The following ANKRD44 variants were observed in gnomAD, a reference collection of about 807,000 sequenced individuals.
ANKRD44 encodes ankyrin repeat domain 44.
A neutral mutation model predicts 116.0 loss-of-function variants in ANKRD44; 35 were observed. The ratio of observed to expected loss-of-function variants is 0.30; its 90% CI spans 0.23 to 0.40. ANKRD44 has a LOEUF of 0.40. ANKRD44 is among the 10% of genes least tolerant of loss of function. The probability of loss-of-function intolerance (pLI) is 1.00; values close to 1 mark genes in which losing one functional copy is unlikely to be tolerated. For synonymous variants in ANKRD44, 435 were observed against 461.8 expected (o/e 0.94, Z 0.74); for missense variants, 1,014 against 1,242.6 (o/e 0.82, Z 2.77).
At chr2:197,258,249 T>C (rs2105709329) in intron 1 of ANKRD44, among the ~76,000 whole-genome samples, 1 of 146,918 alleles carries the variant, frequency 6.8e-6, no homozygotes, top group Non-Finnish European at 1.5e-5. Context: ...TACAGGCATG[T>C]GCCGCCACAC....
intron 15 of ANKRD44, among the ~76,000 whole-genome samples, chr2:197,081,167 C>T (rs1361519940): frequency 2.0e-5 from 3 of 152,194 alleles, no homozygotes; most frequent in Non-Finnish European, 4.4e-5. Context: ...CATCCTTTTG[C>T]AGGAGCAGGA....
intron 16 of ANKRD44, among the ~76,000 whole-genome samples, chr2:197,057,181 T>C (rs1170142690): frequency 2.6e-5 from 4 of 152,244 alleles, no homozygotes; most frequent in Non-Finnish European, 1.5e-5. Context: ...TCCTTTCTAC[T>C]CCTAGTTAGC....
chr2:197,227,414 T>C (rs1276994488), intron 1 of ANKRD44, among the ~76,000 whole-genome samples: 1 of 152,190 alleles, frequency 6.6e-6, no homozygotes, highest in Non-Finnish European at 1.5e-5. Flanking sequence ...CGCTGGCCCC[T>C]TCCCAGATTC....
intron 9 of ANKRD44, among the ~76,000 whole-genome samples, chr2:197,100,927 T>C (rs2078278583): frequency 6.6e-6 from 1 of 152,224 alleles, no homozygotes; most frequent in South Asian, 2.1e-4. Context: ...GGTCTATTCA[T>C]TCATTTATCT....
At chr2:197,005,580 G>T in intron 21 of ANKRD44, 114 bp downstream of exon 21, 1 of 964,542 alleles carries the variant, frequency 1.0e-6, no homozygotes, top group Non-Finnish European at 1.6e-6. Flanking sequence ...CTTGGATGCA[G>T]AAAGATTAGA....
At chr2:197,166,182 T>C (rs1233406961) in intron 2 of ANKRD44, among the ~76,000 whole-genome samples, 4 of 152,178 alleles carry the variant, frequency 2.6e-5, no homozygotes, top group Non-Finnish European at 4.4e-5. Context: ...CCTAACACCT[T>C]CTTTACACAA....
rs2125873014 is a variant in ANKRD44, at chr2:196,989,460, C to A, written c.*131G>T. 2 of 1,277,580 alleles carry A rather than the reference C, an allele frequency of 1.6e-6. No individual in the cohort carries two copies. Among genetic ancestry groups the A allele is most frequent in the East Asian group, 3.1e-5 (1 of 32,662 alleles). The allele number at this position is 1,277,580 out of a possible 1,614,324, so 79.1% of individuals were successfully genotyped here. The stretch of plus-strand genomic sequence containing the variant: ...TTGAAGGAAAAAAATGTGTATCTTC[C>A]ATTTTAGACTGAAGCATTTTGGTCC... On this transcript the variant is annotated 3_prime_UTR_variant, in exon 28 of 28. Coordinates refer to ENST00000282272, the MANE Select transcript of ANKRD44 (RefSeq NM_001195144.2).
At chr2:197,060,573 A>T (rs1336023044) in intron 16 of ANKRD44, among the ~76,000 whole-genome samples, 2 of 152,208 alleles carry the variant, frequency 1.3e-5, no homozygotes, top group Non-Finnish European at 2.9e-5. Flanking sequence ...AGCAAATTTC[A>T]AGAATACAAT....
intron 1 of ANKRD44, among the ~76,000 whole-genome samples, chr2:197,249,697 C>T (rs1246842606): frequency 1.3e-5 from 2 of 152,150 alleles, no homozygotes; most frequent in African/African-American, 4.8e-5. Flanking sequence ...TTCACTCTCA[C>T]CAAAATGTCT....
chr2:197,034,927 T>G (rs1018131330), intron 16 of ANKRD44, among the ~76,000 whole-genome samples: 2 of 152,168 alleles, frequency 1.3e-5, no homozygotes, highest in Non-Finnish European at 2.9e-5. Flanking sequence ...ATGGCTGAGA[T>G]GCACAATGGA....
At chr2:197,183,106 T>C (rs979024978) in intron 2 of ANKRD44, among the ~76,000 whole-genome samples, 1 of 151,760 alleles carries the variant, frequency 6.6e-6, no homozygotes, top group South Asian at 2.1e-4. Flanking sequence ...GGGCACAGAG[T>C]TTATAAATAC....
intron 21 of ANKRD44, among the ~76,000 whole-genome samples, chr2:197,002,407 A>G (rs1327920880): frequency 6.6e-6 from 1 of 152,224 alleles, no homozygotes; most frequent in Non-Finnish European, 1.5e-5. Context: ...ATGTGAAATT[A>G]TTTTCAACAA....
At chr2:197,089,788 T>C (rs2078001948) in intron 11 of ANKRD44, among the ~76,000 whole-genome samples, 162 bp downstream of exon 11, 1 of 152,202 alleles carries the variant, frequency 6.6e-6, no homozygotes, top group Admixed American at 6.5e-5. Context: ...CCAAGGATTG[T>C]TGGGAGCTGT....
rs188669262 is a variant in ANKRD44, at chr2:197,234,324, C to T, written c.28-47218G>A. Among the ~76,000 whole-genome samples, 7 of 152,132 alleles carry T rather than the reference C, an allele frequency of 4.6e-5. No homozygotes were observed. In the South Asian group the frequency reaches 8.3e-4, roughly 18 times the overall value. Reference sequence around the variant, plus strand: ...CTCCCACCTCAGCCTCCATAGTAGCCGGGATCACAGGCACATGCCGCCATG... The same window carrying T: ...CTCCCACCTCAGCCTCCATAGTAGCTGGGATCACAGGCACATGCCGCCATG... On this transcript the variant is annotated intron_variant, in intron 1 of 27. Coordinates refer to ENST00000282272, the MANE Select transcript of ANKRD44 (RefSeq NM_001195144.2).
intron 3 of ANKRD44, among the ~76,000 whole-genome samples, chr2:197,146,760 G>A (rs2079515409): frequency 1.3e-5 from 2 of 151,200 alleles, no homozygotes; most frequent in South Asian, 2.1e-4. Flanking sequence ...ATATCCAAAT[G>A]TACTGAATTC....
At chr2:197,254,598 T>TACACAC (rs3057783) in intron 1 of ANKRD44, among the ~76,000 whole-genome samples, 14,035 of 148,140 alleles carry the variant, frequency 0.095, 840 homozygotes, top group Non-Finnish European at 0.13. Context: ...CATACATGCA[T>TACACAC]ACACACACAC....
intron 1 of ANKRD44, among the ~76,000 whole-genome samples, chr2:197,258,714 C>T (rs1349890272): frequency 6.6e-6 from 1 of 152,178 alleles, no homozygotes; most frequent in African/African-American, 2.4e-5. Context: ...CAGCAAAGCA[C>T]AAGGTCTTCA....
intron 16 of ANKRD44, among the ~76,000 whole-genome samples, chr2:197,039,386 G>T (rs144235885): frequency 1.3e-5 from 2 of 152,308 alleles, no homozygotes; most frequent in African/African-American, 4.8e-5. Context: ...CTCTCCTTGG[G>T]ATATGATTAT....
chr2:196,984,333 A>G (rs1473642601), downstream of ANKRD44, among the ~76,000 whole-genome samples: 4 of 152,080 alleles, frequency 2.6e-5, no homozygotes. Context: ...ATGCCCACAC[A>G]TTTCCAATCA....
Sources: allele counts gnomAD v4.1 joint callset (sites outside exome capture counted in the v4.1 genomes callset), GRCh38; gene constraint gnomAD v4.1.1; transcripts MANE v1.5; gene names NCBI Gene and HGNC (gene_info 2026-07-23, HGNC 2026-07-21).